The following SIPA1L3 variants were observed in gnomAD, a reference collection of about 807,000 sequenced individuals.
The protein encoded by SIPA1L3 is signal-induced proliferation-associated 1-like protein 3.
In SIPA1L3, 59 loss-of-function variants were observed where a neutral mutation model predicts 150.1. The observed-to-expected ratio is 0.39, with a 90% CI of 0.32 to 0.49. The LOEUF (loss-of-function observed/expected upper bound fraction) is 0.49, where lower values mean the gene tolerates loss of function less well. SIPA1L3 is among the 20% of genes least tolerant of loss of function. The pLI, the probability that SIPA1L3 is intolerant of heterozygous loss-of-function variation, is 0.86. For synonymous variants in SIPA1L3, 1,070 were observed against 1,077.6 expected, an observed-to-expected ratio of 0.99 and a Z score of 0.14; for missense variants, 2,211 against 2,489.5, an observed-to-expected ratio of 0.89 and a Z score of 2.38.
At chr19:37,974,816 T>A (rs1270474929) in intron 1 of SIPA1L3, among the ~76,000 whole-genome samples, 2 of 152,142 alleles carry the variant, frequency 1.3e-5, no homozygotes, top group Non-Finnish European at 2.9e-5. Context: ...GTGGAATCTC[T>A]CCATTCCCCA....
chr19:38,015,106 C>T (rs1435279570), intron 1 of SIPA1L3, among the ~76,000 whole-genome samples: 15 of 152,098 alleles, frequency 9.9e-5, no homozygotes, highest in Admixed American at 5.2e-4. Context: ...TGAGCCACCA[C>T]GCCCAGCTCC....
intron 1 of SIPA1L3, among the ~76,000 whole-genome samples, chr19:37,993,403 C>T (rs886349206): frequency 3.9e-5 from 6 of 152,172 alleles, no homozygotes; most frequent in African/African-American, 1.4e-4. Flanking sequence ...GCGATCTCGG[C>T]TCACTGCAAC....
At chr19:38,044,027 C>T (rs1170285320) in intron 2 of SIPA1L3, among the ~76,000 whole-genome samples, 1 of 151,992 alleles carries the variant, frequency 6.6e-6, no homozygotes, top group African/African-American at 2.4e-5. Context: ...AGGGGTGAGC[C>T]CATTTATATC....
chr19:38,156,047 C>G (rs1971942783), intron 13 of SIPA1L3, among the ~76,000 whole-genome samples: 1 of 152,068 alleles, frequency 6.6e-6, no homozygotes, highest in Non-Finnish European at 1.5e-5. Flanking sequence ...CGCCGTTCCA[C>G]TCCAGCCTGG....
intron 18 of SIPA1L3, among the ~76,000 whole-genome samples, chr19:38,195,793 T>TCTC (rs1972910693): frequency 6.0e-4 from 12 of 20,034 alleles, no homozygotes; most frequent in African/African-American, 2.7e-3. Flanking sequence ...ACAGGCCCCG[T>TCTC]CCCCCCCCGC....
intron 1 of SIPA1L3, among the ~76,000 whole-genome samples, chr19:37,980,517 C>T (rs1361330044): frequency 6.6e-6 from 1 of 152,110 alleles, no homozygotes; most frequent in East Asian, 1.9e-4. Flanking sequence ...TGAGGAAGAG[C>T]ATTCTAGGCA....
At chr19:38,193,145 C>G (rs982237354) in intron 17 of SIPA1L3, among the ~76,000 whole-genome samples, 1 of 151,754 alleles carries the variant, frequency 6.6e-6, no homozygotes, top group Non-Finnish European at 1.5e-5. Context: ...AGTTCAAGAC[C>G]ATCCTGGGCA....
chr19:37,980,839 G>A (rs961520965), intron 1 of SIPA1L3, among the ~76,000 whole-genome samples: 1 of 152,374 alleles, frequency 6.6e-6, no homozygotes. Context: ...AATGATGGAA[G>A]AATTTCTCCT....
At chr19:38,034,916 C>A (rs962705128) in intron 2 of SIPA1L3, among the ~76,000 whole-genome samples, 2 of 152,322 alleles carry the variant, frequency 1.3e-5, no homozygotes, top group Middle Eastern at 3.4e-3. Flanking sequence ...CTGCCCGTCC[C>A]TGTAGAGTAG....
rs1032157821 is a variant in SIPA1L3, at chr19:38,047,469, A to G, written c.-311+18313A>G. 6.6e-6 allele frequency among the ~76,000 whole-genome samples: 1 copy of G among 152,112 alleles called. No homozygotes were observed. The highest frequency in any genetic ancestry group is 6.5e-5 in the Admixed American group (1 of 15,272). Reference sequence around the variant, plus strand: ...ACCTGGCCCGAAAGAGCTGCTCAGTAAATATTTGTTGAATGAATGAACCGA... The same window carrying G: ...ACCTGGCCCGAAAGAGCTGCTCAGTGAATATTTGTTGAATGAATGAACCGA... On this transcript the variant is annotated intron_variant, in intron 2 of 21. Coordinates refer to ENST00000222345, the MANE Select transcript of SIPA1L3 (RefSeq NM_015073.3). This position sits in a 1 kb window ranked among gnomAD's most constrained non-coding sequence, Gnocchi z 4.7.
chr19:37,973,975 G>T (rs1403074882), intron 1 of SIPA1L3, among the ~76,000 whole-genome samples: 1 of 152,164 alleles, frequency 6.6e-6, no homozygotes, highest in African/African-American at 2.4e-5. Flanking sequence ...GCAACAGAGA[G>T]TGGGCAGCTC....
At chr19:37,971,871 T>C (rs1966950317) in intron 1 of SIPA1L3, among the ~76,000 whole-genome samples, 1 of 151,882 alleles carries the variant, frequency 6.6e-6, no homozygotes, top group Non-Finnish European at 1.5e-5. Context: ...CCGGCCTGAG[T>C]GTCATGTTTT....
chr19:38,130,581 C>A lies in SIPA1L3; in HGVS notation c.2952C>A (p.Asp984Glu). The change falls in exon 10 of 22, where the codon GAC (aspartate) becomes GAA (glutamate). Residue 984 changes from aspartate (D) to glutamate (E), a missense_variant. Coordinates refer to ENST00000222345, the MANE Select transcript of SIPA1L3 (RefSeq NM_015073.3). The stretch of plus-strand genomic sequence containing the variant: ...AGCTGGGCTTCCACGTGAAGTACGA[C>A]GGCACGGTGGCCGAGGTTGAGGACT... ...LGQLGFHVKY[D>E]GTVAEVEDYG... The A allele has an allele frequency of 6.2e-7, 1 of 1,613,792 alleles. No homozygotes were observed. Among genetic ancestry groups the A allele is most frequent in the Non-Finnish European group, 8.5e-7 (1 of 1,180,032 alleles).
intron 1 of SIPA1L3, among the ~76,000 whole-genome samples, chr19:37,939,631 C>T (rs1322419267): frequency 4.6e-5 from 7 of 152,134 alleles, no homozygotes; most frequent in Non-Finnish European, 7.3e-5. Context: ...CTAGCCATTA[C>T]GTCCCAGGAG....
intron 1 of SIPA1L3, among the ~76,000 whole-genome samples, chr19:38,021,462 T>G (rs563330203): frequency 6.6e-6 from 1 of 151,818 alleles, no homozygotes; most frequent in African/African-American, 2.4e-5. Context: ...CAAATCCAGC[T>G]ATCACATCTG....
chr19:38,124,407 G>C (rs1007682878), intron 9 of SIPA1L3, among the ~76,000 whole-genome samples: 4 of 149,358 alleles, frequency 2.7e-5, no homozygotes, highest in Admixed American at 6.6e-5. Flanking sequence ...GACGATGGGC[G>C]GCCGGGCAGA....
At chr19:38,092,825 G>A (rs1385669040) in intron 4 of SIPA1L3, among the ~76,000 whole-genome samples, 3 of 151,852 alleles carry the variant, frequency 2.0e-5, no homozygotes, top group Non-Finnish European at 4.4e-5. Flanking sequence ...AAAGCAAGGA[G>A]GAATGATGAG....
intron 1 of SIPA1L3, among the ~76,000 whole-genome samples, chr19:38,004,867 C>CT (rs35706492): frequency 0.31 from 46,695 of 152,030 alleles, 7,980 homozygotes; most frequent in East Asian, 0.71. Context: ...TATTCATTCT[C>CT]TTATATTCAG....
intron 1 of SIPA1L3, among the ~76,000 whole-genome samples, chr19:38,001,767 A>G (rs1967812901): frequency 6.6e-6 from 1 of 152,244 alleles, no homozygotes; most frequent in Admixed American, 6.5e-5. Context: ...ATAAAATATG[A>G]TAAAATGTAC....
Sources: allele counts gnomAD v4.1 joint callset (sites outside exome capture counted in the v4.1 genomes callset), GRCh38; gene constraint gnomAD v4.1.1; non-coding constraint Gnocchi (gnomAD v3.1); transcripts MANE v1.5; gene names NCBI Gene and HGNC (gene_info 2026-07-23, HGNC 2026-07-21).